PTK7: variants seen among roughly 807,000 people sequenced by gnomAD.
PTK7 encodes the protein inactive tyrosine-protein kinase 7.
Under a neutral mutation model 116.6 loss-of-function variants are expected in PTK7, and 39 were observed. The ratio of observed to expected loss-of-function variants is 0.33; its 90% CI spans 0.26 to 0.44. The LOEUF (loss-of-function observed/expected upper bound fraction) is 0.44, where lower values mean the gene tolerates loss of function less well. Ranked by LOEUF, PTK7 falls within the 20% of genes least tolerant of loss-of-function variation. The probability of loss-of-function intolerance (pLI) is 1.00; values close to 1 mark genes in which losing one functional copy is unlikely to be tolerated. For missense variants in PTK7, 1,169 were observed against 1,425.6 expected (o/e 0.82, Z 2.90); for synonymous variants, 546 against 563.6 (o/e 0.97, Z 0.44).
In PTK7 at chr6:43,129,642, C is replaced by G; in HGVS notation, c.368-85C>G. 1 of 1,222,106 alleles carries G rather than the reference C, an allele frequency of 8.2e-7. No individual in the cohort carries two copies. Among genetic ancestry groups the G allele is most frequent in the South Asian group, 1.2e-5 (1 of 81,190 alleles). The allele number at this position is 1,222,106 out of a possible 1,614,324, so 75.7% of individuals were successfully genotyped here. ...GTTGGCACAGAGCCTCGAGGTTCCACGGCTTCCTGCTTGTCCTCCTTGCCC... is the reference window on the plus strand; with the variant it reads ...GTTGGCACAGAGCCTCGAGGTTCCAGGGCTTCCTGCTTGTCCTCCTTGCCC... On this transcript the variant is annotated intron_variant, in intron 2 of 19. Coordinates refer to ENST00000230419, the MANE Select transcript of PTK7 (RefSeq NM_002821.5). This position sits in a 1 kb window ranked among gnomAD's most constrained non-coding sequence, Gnocchi z 4.5.
chr6:43,103,214 T>TTGA (rs1561944199), intron 1 of PTK7, among the ~76,000 whole-genome samples: 1 of 152,324 alleles, frequency 6.6e-6, no homozygotes, highest in Admixed American at 6.5e-5. Context: ...GGAAACTGTA[T>TTGA]TGACAGCACC....
intron 1 of PTK7, among the ~76,000 whole-genome samples, chr6:43,089,341 T>C (rs1766823271): frequency 6.6e-6 from 1 of 152,128 alleles, no homozygotes; most frequent in African/African-American, 2.4e-5. Context: ...CTGATTCCAT[T>C]GTAGCTCATC....
At chr6:43,158,173 C>T (rs2150483593) in intron 17 of PTK7, among the ~76,000 whole-genome samples, 1 of 152,060 alleles carries the variant, frequency 6.6e-6, no homozygotes, top group South Asian at 2.1e-4. Flanking sequence ...GTGGCAGGCA[C>T]CTGTAATCCC....
In PTK7 at chr6:43,160,939, A is replaced by C; in HGVS notation, c.*58A>C. 6.3e-7 allele frequency: 1 copy of C among 1,581,380 alleles called. No individual in the cohort carries two copies. Among genetic ancestry groups the C allele is most frequent in the South Asian group, 1.1e-5 (1 of 87,842 alleles). On this transcript the variant is annotated 3_prime_UTR_variant, in exon 20 of 20. Transcript: ENST00000230419. ...GGAGGACATCTCTAGAGGGAAGCTC[A>C]CAGCATGATGGGCAAGATCCCTGTC...
At chr6:43,157,234 C>T (rs1198347682) in intron 17 of PTK7, among the ~76,000 whole-genome samples, 2 of 145,044 alleles carry the variant, frequency 1.4e-5, no homozygotes, top group African/African-American at 2.5e-5. Context: ...ACCTTCTAGC[C>T]TCCAGTTCCG....
chr6:43,106,343 G>C (rs904945517), intron 1 of PTK7, among the ~76,000 whole-genome samples: 2 of 151,666 alleles, frequency 1.3e-5, no homozygotes, highest in African/African-American at 2.4e-5. Flanking sequence ...GGTCTTGCTC[G>C]ATTACCTAGG....
At chr6:43,103,019 A>T (rs1017505822) in intron 1 of PTK7, among the ~76,000 whole-genome samples, 1 of 152,206 alleles carries the variant, frequency 6.6e-6, no homozygotes, top group African/African-American at 2.4e-5. Flanking sequence ...CCCAATTATC[A>T]ACTGAAAAAC....
intron 1 of PTK7, among the ~76,000 whole-genome samples, chr6:43,115,552 T>A (rs1382168227): frequency 3.9e-5 from 6 of 152,052 alleles, no homozygotes; most frequent in Non-Finnish European, 5.9e-5. Context: ...GTTCCCCTTG[T>A]CTCCGGTGCA....
In PTK7 at chr6:43,160,877, C is replaced by T. The variant is rs374736453; in HGVS notation, c.3209C>T (p.Pro1070Leu). The change falls in exon 20 of 20, where the codon CCG (proline) becomes CTG (leucine). Residue 1070 changes from proline to leucine, a missense_variant. Transcript: ENST00000230419. ...GGAGACAGCACCGTGGACAGCAAGC[C>T]GTGAGGAGGGAGCCCGCTCAGGATG... ...ALGDSTVDSKP is the reference protein window; with the variant it reads ...ALGDSTVDSKL 4.5e-5 allele frequency: 72 copies of T among 1,613,624 alleles called. No individual in the cohort carries two copies. In the East Asian group the frequency reaches 8.2e-4, roughly 18 times the overall value.
intron 1 of PTK7, among the ~76,000 whole-genome samples, chr6:43,116,858 G>C (rs1561954628): frequency 6.6e-6 from 1 of 151,964 alleles, no homozygotes; most frequent in African/African-American, 2.4e-5. Context: ...CAGTTTCGCT[G>C]TATCGCCCAG....
intron 17 of PTK7, among the ~76,000 whole-genome samples, chr6:43,156,385 T>G (rs1239285377): frequency 6.6e-6 from 1 of 151,972 alleles, no homozygotes; most frequent in African/African-American, 2.4e-5. Context: ...AAGGATTGCT[T>G]GATCCCAGGA....
intron 1 of PTK7, among the ~76,000 whole-genome samples, chr6:43,109,978 G>A (rs1477065738): frequency 2.7e-5 from 4 of 146,384 alleles, no homozygotes; most frequent in Admixed American, 1.4e-4. Flanking sequence ...GATTACAGGC[G>A]TGAGCCACCA....
intron 17 of PTK7, among the ~76,000 whole-genome samples, chr6:43,149,478 A>T (rs2150465030): frequency 6.6e-6 from 1 of 152,360 alleles, no homozygotes; most frequent in Non-Finnish European, 1.5e-5. Context: ...TCTCCAGCTG[A>T]TTCCTAAGCT....
rs1370658905 is a variant in PTK7, at chr6:43,139,784, C to T, written c.1618+259C>T. Reference sequence around the variant, plus strand: ...AGACAGTGCTGTAAAGTCCTCTCTTCCCCTTTTCCAAAATAGTTTATCTTT... The same window carrying T: ...AGACAGTGCTGTAAAGTCCTCTCTTTCCCTTTTCCAAAATAGTTTATCTTT... On this transcript the variant is annotated intron_variant, in intron 10 of 19. Transcript: ENST00000230419. This position sits in a 1 kb window ranked among gnomAD's most constrained non-coding sequence, Gnocchi z 4.6. Among the ~76,000 whole-genome samples, 1 of 152,250 alleles carries T rather than the reference C, an allele frequency of 6.6e-6. No individual in the cohort carries two copies. The highest frequency in any genetic ancestry group is 2.4e-5 in the African/African-American group (1 of 41,474).
In PTK7 at chr6:43,145,364, G is replaced by A. The variant is rs775138606; in HGVS notation, c.2572G>A (p.Val858Met). The A allele has an allele frequency of 5.0e-6, 8 of 1,613,510 alleles. No homozygotes were observed. Among genetic ancestry groups the A allele is most frequent in the Non-Finnish European group, 6.8e-6 (8 of 1,179,740 alleles). Residue 858 changes from valine (V) to methionine (M), a missense_variant, in exon 16 of 20, where the codon GTG becomes ATG. Val to Met is a conservative substitution (Grantham distance 21). This residue lies in a region of PTK7 where 678 missense variants were observed against 853.8 expected (regional missense o/e 0.79). Transcript: ENST00000230419. This position sits in a 1 kb window ranked among gnomAD's most constrained non-coding sequence, Gnocchi z 4.8. Reference protein sequence around the residue: ...EMFGKLNHANVVRLLGLCREA... With the variant: ...EMFGKLNHANMVRLLGLCREA... ...GTTTGGGAAGCTGAACCACGCCAAC[G>A]TGGTGCGGCTCCTGGGGCTGTGCCG... is the stretch of plus-strand genomic sequence containing the variant.
chr6:43,157,326 C>CTATATA lies in PTK7; in HGVS notation c.2722-1457_2722-1452dup, dbSNP rs376896300. On this transcript the variant is annotated intron_variant, in intron 17 of 19. Transcript: ENST00000230419. ...GCGTGCACACACACAGACACACACGCTATATATATATATATATATATATAT... is the reference window on the plus strand; with the variant it reads ...GCGTGCACACACACAGACACACACGCTATATATATATATATATATATATATATATAT... Among the ~76,000 whole-genome samples, 53 of 21,962 alleles carry CTATATA rather than the reference C, an allele frequency of 2.4e-3. 1 individual carries two copies. Among genetic ancestry groups the CTATATA allele is most frequent in the East Asian group, 7.2e-3 (3 of 418 alleles). 14.4% of individuals were successfully genotyped at this position (21,962 alleles called of 152,430 possible). A position where few individuals can be genotyped will look rare whatever the true frequency, so the allele number is the denominator to read the frequency against.
chr6:43,128,752 T>G (rs373657072), intron 1 of PTK7, among the ~76,000 whole-genome samples: 17 of 152,222 alleles, frequency 1.1e-4, no homozygotes, highest in African/African-American at 4.1e-4. Flanking sequence ...ACCACCACAT[T>G]CCAACCTGGG....
At chr6:43,135,642 G>C (rs1769984504) in intron 7 of PTK7, among the ~76,000 whole-genome samples, 1 of 152,240 alleles carries the variant, frequency 6.6e-6, no homozygotes, top group African/African-American at 2.4e-5. Flanking sequence ...TGGAGGAACA[G>C]TAGTCGCCTG....
chr6:43,160,005 C>T (rs1771753107), intron 19 of PTK7, 39 bp downstream of exon 19: 1 of 1,588,648 alleles, frequency 6.3e-7, no homozygotes, highest in Non-Finnish European at 8.6e-7. Context: ...TCCAGATGGG[C>T]CCCAGATGGG....
Sources: gnomAD v4.1 joint callset for allele counts (sites outside exome capture counted in the v4.1 genomes callset) on GRCh38, gnomAD v4.1.1 for gene constraint, gnomAD v4.1.1 regional missense constraint, Gnocchi (gnomAD v3.1) non-coding constraint, MANE v1.5 for transcripts, NCBI Gene and HGNC (gene_info 2026-07-23, HGNC 2026-07-21) for gene names.